The following ACTN1 variants were observed in gnomAD, a reference collection of about 807,000 sequenced individuals.
ACTN1 encodes actinin alpha 1.
Under a neutral mutation model 119.6 loss-of-function variants are expected in ACTN1, and 30 were observed. The ratio of observed to expected loss-of-function variants is 0.25; its 90% CI spans 0.19 to 0.34. The LOEUF (loss-of-function observed/expected upper bound fraction) is 0.34, where lower values mean the gene tolerates loss of function less well. Among genes scored for constraint, ACTN1 ranks in the 10% least tolerant of loss-of-function variants. The pLI, the probability that ACTN1 is intolerant of heterozygous loss-of-function variation, is 1.00. For synonymous variants in ACTN1, 429 were observed against 472.6 expected, an observed-to-expected ratio of 0.91 and a Z score of 1.20; for missense variants, 764 against 1,223.4, an observed-to-expected ratio of 0.62 and a Z score of 5.60.
intron 8 of ACTN1, among the ~76,000 whole-genome samples, chr14:68,901,437 G>A (rs201505557): frequency 5.3e-5 from 8 of 151,992 alleles, no homozygotes; most frequent in East Asian, 1.9e-4. Flanking sequence ...TAGTAGAGAC[G>A]GGGTTTCACC....
At chr14:68,937,164 T>C (rs1186068178) in intron 1 of ACTN1, among the ~76,000 whole-genome samples, 2 of 152,136 alleles carry the variant, frequency 1.3e-5, no homozygotes, top group African/African-American at 2.4e-5. Flanking sequence ...TTGATACCAT[T>C]TGGCTCCTTT....
rs1054200 is a variant in ACTN1 at position 68,890,215 on chromosome 14, G to A, written c.1158C>T (p.Ile386=). 3 of 1,614,176 alleles carry A rather than the reference G, an allele frequency of 1.9e-6. No homozygotes were observed. Among genetic ancestry groups the A allele is most frequent in the Non-Finnish European group, 1.7e-6 (2 of 1,180,028 alleles). ...KGYEEWLLNE[I]RRLERLDHLA... is the part of the protein sequence containing the mutation. ...GGTGGTCCAGTCGCTCCAGCCTCCGGATCTCATTCAGCAACCACTCCTCAT... is the reference window on the plus strand; with the variant it reads ...GGTGGTCCAGTCGCTCCAGCCTCCGAATCTCATTCAGCAACCACTCCTCAT... Residue 386 remains isoleucine (I), a synonymous_variant, in exon 11 of 22, where the codon ATC becomes ATT. Coordinates refer to ENST00000394419, the MANE Select transcript of ACTN1 (RefSeq NM_001130004.2).
chr14:68,904,142 T>C (rs2033518839), intron 7 of ACTN1, among the ~76,000 whole-genome samples: 1 of 151,778 alleles, frequency 6.6e-6, no homozygotes, highest in South Asian at 2.1e-4. Flanking sequence ...AAGCCATAGT[T>C]CTCTAGCACC....
intron 6 of ACTN1, 37 bp from the exon 7 acceptor site, chr14:68,904,773 G>A: frequency 6.3e-7 from 1 of 1,578,704 alleles, no homozygotes; most frequent in Non-Finnish European, 8.7e-7. Context: ...GATAAAGTGA[G>A]AGCCACCACA....
At chr14:68,961,508 C>T (rs2036539180) in intron 1 of ACTN1, among the ~76,000 whole-genome samples, 2 of 152,098 alleles carry the variant, frequency 1.3e-5, no homozygotes, top group African/African-American at 4.8e-5. Context: ...ACGCAGTGTT[C>T]CCCTGGGTGT....
At chr14:68,935,789 T>C (rs1308636081) in intron 1 of ACTN1, among the ~76,000 whole-genome samples, 1 of 150,906 alleles carries the variant, frequency 6.6e-6, no homozygotes, top group Non-Finnish European at 1.5e-5. Flanking sequence ...CTTTTTCCAT[T>C]TGTTGCACAG....
chr14:68,904,612 G>A (rs749782370), intron 7 of ACTN1, 43 bp downstream of exon 7: 19 of 1,581,226 alleles, frequency 1.2e-5, no homozygotes, highest in Non-Finnish European at 1.7e-5. Flanking sequence ...CTGAGTGGCA[G>A]GTGGGCGATG....
chr14:68,882,322 A>G lies in ACTN1; in HGVS notation c.1953+136T>C. The G allele has an allele frequency of 8.1e-7, 1 of 1,227,778 alleles. No individual in the cohort carries two copies. Among genetic ancestry groups the G allele is most frequent in the Non-Finnish European group, 1.1e-6 (1 of 882,656 alleles). The allele number at this position is 1,227,778 out of a possible 1,614,324, so 76.1% of individuals were successfully genotyped here. On this transcript the variant is annotated intron_variant, in intron 16 of 21. Transcript: ENST00000394419. The surrounding 1 kb of genome is among the most constrained non-coding windows in gnomAD (Gnocchi z 4.5). ...ATAGGCCCCCATAGCCTTCTACAGA[A>G]CAGCAGACCCACGGTGGGCTCCGGG...
At chr14:68,910,091 G>T in intron 4 of ACTN1, 49 bp from the exon 5 acceptor site, 1 of 1,525,988 alleles carries the variant, frequency 6.6e-7, no homozygotes, top group Non-Finnish European at 9.1e-7. Flanking sequence ...ACTCGGTGGA[G>T]GGAGGGATGC....
At chr14:68,884,687 T>C (rs2031846806) in intron 13 of ACTN1, 88 bp downstream of exon 13, 2 of 1,174,756 alleles carry the variant, frequency 1.7e-6, no homozygotes, top group East Asian at 2.3e-5. Context: ...TAGAGTCTTT[T>C]AGCCCAAAGC....
At chr14:68,940,677 T>TAAAA (rs56676308) in intron 1 of ACTN1, among the ~76,000 whole-genome samples, 7 of 138,332 alleles carry the variant, frequency 5.1e-5, no homozygotes, top group South Asian at 4.8e-4. Flanking sequence ...TGTCTCTACT[T>TAAAA]AAAAAAAAAA....
intron 1 of ACTN1, among the ~76,000 whole-genome samples, chr14:68,934,368 A>G (rs1329087479): frequency 6.6e-6 from 1 of 152,258 alleles, no homozygotes; most frequent in Non-Finnish European, 1.5e-5. Context: ...TACCTGTCAC[A>G]AGGGCCTGTG....
At chr14:68,911,053 G>A (rs1377017324) in intron 4 of ACTN1, among the ~76,000 whole-genome samples, 1 of 152,152 alleles carries the variant, frequency 6.6e-6, no homozygotes, top group Non-Finnish European at 1.5e-5. Flanking sequence ...CCTGTGAATT[G>A]GAGGTTAAGG....
intron 10 of ACTN1, 66 bp downstream of exon 10, chr14:68,891,987 A>T (rs1006889835): frequency 1.9e-6 from 3 of 1,577,456 alleles, no homozygotes; most frequent in Non-Finnish European, 1.7e-6. Flanking sequence ...ATTTGACCAC[A>T]ACTAGGAGCA....
chr14:68,930,265 C>G (rs1035121628), intron 1 of ACTN1, among the ~76,000 whole-genome samples: 2 of 152,094 alleles, frequency 1.3e-5, no homozygotes, highest in South Asian at 2.1e-4. Flanking sequence ...CAGGAAGTAC[C>G]CTTATTCAGT....
intron 20 of ACTN1, chr14:68,877,538 T>G: frequency 2.8e-6 from 1 of 362,922 alleles, no homozygotes; most frequent in African/African-American, 2.1e-5. Flanking sequence ...ATGTAGCATA[T>G]CAAGTATTAA....
chr14:68,878,607 A>G lies in ACTN1; in HGVS notation c.2362-84T>C. ...GCCGGCCCGGGGCCAGGAAGACAGG[A>G]ACAGATGGCCAGAACGGGGATGAGA... On this transcript the variant is annotated intron_variant, in intron 19 of 21. Coordinates refer to ENST00000394419, the MANE Select transcript of ACTN1 (RefSeq NM_001130004.2). The surrounding 1 kb of genome is among the most constrained non-coding windows in gnomAD (Gnocchi z 4.4). 6.3e-7 allele frequency: 1 copy of G among 1,593,238 alleles called. No homozygotes were observed. The highest frequency in any genetic ancestry group is 1.1e-5 in the South Asian group (1 of 88,832).
In ACTN1 at chr14:68,886,531, G is replaced by C. The variant is rs565726017; in HGVS notation, c.1235-956C>G. 23 of 152,198 alleles carry C rather than the reference G, an allele frequency of 1.5e-4. 3 individuals are homozygous for C. Among genetic ancestry groups the C allele is most frequent in the Admixed American group, 1.5e-3 (23 of 15,278 alleles). 9.4% of individuals were successfully genotyped at this position (152,198 alleles called of 1,614,324 possible). A position where few individuals can be genotyped will look rare whatever the true frequency, so the allele number is the denominator to read the frequency against. On this transcript the variant is annotated intron_variant, in intron 11 of 21. Coordinates refer to ENST00000394419, the MANE Select transcript of ACTN1 (RefSeq NM_001130004.2). Reference sequence around the variant, plus strand: ...ACATGGGCCGGGCACGGTGGCTCACGCCTGTAATCCCAGCACTTTGGGAGG... The same window carrying C: ...ACATGGGCCGGGCACGGTGGCTCACCCCTGTAATCCCAGCACTTTGGGAGG...
intron 3 of ACTN1, among the ~76,000 whole-genome samples, chr14:68,915,226 G>A (rs1419135904): frequency 6.6e-6 from 1 of 151,976 alleles, no homozygotes; most frequent in Non-Finnish European, 1.5e-5. Context: ...CTGGCCGCCT[G>A]GGCCTCTTGT....
Sources: gnomAD v4.1 joint callset for allele counts (sites outside exome capture counted in the v4.1 genomes callset) on GRCh38, gnomAD v4.1.1 for gene constraint, Gnocchi (gnomAD v3.1) non-coding constraint, MANE v1.5 for transcripts, NCBI Gene and HGNC (gene_info 2026-07-23, HGNC 2026-07-21) for gene names.